The following SPART variants were observed in gnomAD, a reference collection of about 807,000 sequenced individuals.
SPART encodes spastic paraplegia 20 (Troyer syndrome).
SPART carries 35 observed loss-of-function variants against 58.7 expected under a neutral mutation model. The observed-to-expected ratio is 0.60, with a 90% CI of 0.46 to 0.79. The LOEUF is 0.79. Ranked by LOEUF, SPART falls within the 30% of genes least tolerant of loss-of-function variation. The probability of loss-of-function intolerance (pLI) is 0.00; values close to 1 mark genes in which losing one functional copy is unlikely to be tolerated. For missense variants in SPART, 730 were observed against 786.1 expected (o/e 0.93, Z 0.85); for synonymous variants, 284 against 280.7 (o/e 1.01, Z -0.12).
chr13:36,349,138 C>T (rs1885313770), upstream of SPART, among the ~76,000 whole-genome samples: 1 of 152,120 alleles, frequency 6.6e-6, no homozygotes, highest in Admixed American at 6.5e-5. Context: ...TGGCGCATGC[C>T]TGTAATCCTA....
At position 36,314,613 on chromosome 13, in the gene SPART, C is replaced by T. The variant is rs73169232; in HGVS notation, c.1289-192G>A. Reference sequence around the variant, plus strand: ...CTGAATACTTAGTGACACAGTTCTGCGTTACTCTATGCTGCCACTACCTAG... The same window carrying T: ...CTGAATACTTAGTGACACAGTTCTGTGTTACTCTATGCTGCCACTACCTAG... On this transcript the variant is annotated intron_variant, in intron 5 of 8. Transcript: ENST00000438666. Among the ~76,000 whole-genome samples the T allele has an allele frequency of 7.2e-5, 11 of 152,254 alleles. No homozygotes were observed. The East Asian group carries it at 1.4e-3, about 19-fold the overall frequency.
intron 5 of SPART, among the ~76,000 whole-genome samples, chr13:36,319,232 C>T (rs1882088743): frequency 6.6e-6 from 1 of 151,356 alleles, no homozygotes; most frequent in Non-Finnish European, 1.5e-5. Flanking sequence ...AAATTATCTG[C>T]TTCCCTGACT....
At chr13:36,357,866 T>A (rs1252421748) in intron 1 of SPART, among the ~76,000 whole-genome samples, 1 of 152,202 alleles carries the variant, frequency 6.6e-6, no homozygotes, top group Non-Finnish European at 1.5e-5. Context: ...GAATTCATTG[T>A]TGAACATCCT....
intron 5 of SPART, among the ~76,000 whole-genome samples, chr13:36,323,425 T>C (rs1882614479): frequency 6.6e-6 from 1 of 152,206 alleles, no homozygotes; most frequent in East Asian, 1.9e-4. Context: ...TCTAGGTTTC[T>C]CAAGCCTATA....
chr13:36,356,131 A>G (rs1010153690), intron 1 of SPART, among the ~76,000 whole-genome samples: 2 of 152,182 alleles, frequency 1.3e-5, no homozygotes, highest in African/African-American at 4.8e-5. Context: ...TTGATCTACT[A>G]TGGGTGCTTA....
intron 4 of SPART, among the ~76,000 whole-genome samples, chr13:36,327,990 T>C (rs988987576): frequency 6.6e-6 from 1 of 152,092 alleles, no homozygotes; most frequent in African/African-American, 2.4e-5. Context: ...TGAGACTCCA[T>C]CTGCAGGGGT....
In SPART at chr13:36,335,422, G is replaced by A. The variant is rs960181712; in HGVS notation, c.409C>T (p.Gln137Ter). ...GTGTTTCCATTTACTTCAGCATGCT[G>A]AGGAGCTGAACTAAAAGACTGAGGC... ...PEPQSFSSAP[Q>*]HAEVNGNTST... Residue 137 changes from glutamine (Q) to a stop codon, truncating the protein, a stop_gained, in exon 2 of 9, where the codon CAG becomes TAG. Transcript: ENST00000438666. LOFTEE classifies it high-confidence loss of function. 12 of 1,614,030 alleles carry A rather than the reference G, an allele frequency of 7.4e-6. No individual in the cohort carries two copies. The highest frequency in any genetic ancestry group is 1.1e-5 in the South Asian group (1 of 91,092).
intron 5 of SPART, among the ~76,000 whole-genome samples, chr13:36,325,434 G>C (rs1233068614): frequency 6.6e-6 from 1 of 152,040 alleles, no homozygotes; most frequent in Non-Finnish European, 1.5e-5. Flanking sequence ...ATTTTAGCTT[G>C]TTGGTTTTTT....
intron 1 of SPART, among the ~76,000 whole-genome samples, chr13:36,360,360 A>G (rs2137718226): frequency 6.6e-6 from 1 of 152,212 alleles, no homozygotes; most frequent in Non-Finnish European, 1.5e-5. Context: ...TGAATGTTAG[A>G]GCTACCCTAG....
rs114130261 is a variant in SPART, at chr13:36,338,265, A to C, written c.-2-2433T>G. Among the ~76,000 whole-genome samples, 412 of 152,306 alleles carry C rather than the reference A, an allele frequency of 2.7e-3. 3 individuals carry two copies. Among genetic ancestry groups the C allele is most frequent in the African/African-American group, 9.4e-3 (390 of 41,568 alleles). On this transcript the variant is annotated intron_variant, in intron 1 of 8. Transcript: ENST00000438666. Reference sequence around the variant, plus strand: ...ATGTGATTCCTCAATAAAACAGATAAATAATAAAGCCATAACTCACAAGGA... The same window carrying C: ...ATGTGATTCCTCAATAAAACAGATACATAATAAAGCCATAACTCACAAGGA...
At chr13:36,364,378 G>A (rs1885979514) in intron 1 of SPART, among the ~76,000 whole-genome samples, 1 of 152,050 alleles carries the variant, frequency 6.6e-6, no homozygotes, top group African/African-American at 2.4e-5. Flanking sequence ...AACACCTTGT[G>A]GCCCAAGTCA....
At chr13:36,347,551 C>A (rs1008421075), upstream of SPART, among the ~76,000 whole-genome samples, 2 of 152,154 alleles carry the variant, frequency 1.3e-5, no homozygotes, top group African/African-American at 4.8e-5. Context: ...CCGCGCCTGG[C>A]CTTAGGACCA....
intron 8 of SPART, among the ~76,000 whole-genome samples, chr13:36,311,491 G>T (rs1645137648): frequency 1.3e-5 from 2 of 151,994 alleles, no homozygotes; most frequent in South Asian, 4.1e-4. Context: ...TTAACATGGG[G>T]TATAAGAGTT....
intron 4 of SPART, among the ~76,000 whole-genome samples, chr13:36,328,006 G>A (rs1207443010): frequency 6.6e-6 from 1 of 152,090 alleles, no homozygotes; most frequent in African/African-American, 2.4e-5. Context: ...GGGGTGAGGA[G>A]ACAGGGGAAG....
chr13:36,367,417 C>G (rs1022483599), intron 1 of SPART, among the ~76,000 whole-genome samples: 17 of 152,248 alleles, frequency 1.1e-4, no homozygotes, highest in Middle Eastern at 3.4e-3. Flanking sequence ...AACGAATCCC[C>G]TGAGCCCTAT....
intron 3 of SPART, among the ~76,000 whole-genome samples, chr13:36,330,734 G>A (rs1883383255): frequency 1.3e-5 from 2 of 152,158 alleles, no homozygotes; most frequent in African/African-American, 4.8e-5. Flanking sequence ...CTACAGGTAC[G>A]CATGTGGGCA....
intron 1 of SPART, among the ~76,000 whole-genome samples, chr13:36,355,679 TC>T (rs35707734): frequency 6.6e-6 from 1 of 151,952 alleles, no homozygotes; most frequent in Non-Finnish European, 1.5e-5. Context: ...ATTCTAAGGC[TC>T]CCCCCAACCA....
chr13:36,322,655 G>A (rs1882531977), intron 5 of SPART, among the ~76,000 whole-genome samples: 1 of 152,140 alleles, frequency 6.6e-6, no homozygotes, highest in Admixed American at 6.5e-5. Flanking sequence ...CTGGCTAAGA[G>A]AGGGGGAAAA....
chr13:36,326,804 A>G (rs545981201), intron 4 of SPART, 106 bp from the exon 5 acceptor site: 1 of 1,263,928 alleles, frequency 7.9e-7, no homozygotes, highest in East Asian at 2.5e-5. Context: ...GATAAAATTA[A>G]TGAAAAATAT....
Sources: gnomAD v4.1 joint callset for allele counts (sites outside exome capture counted in the v4.1 genomes callset) on GRCh38, gnomAD v4.1.1 for gene constraint, MANE v1.5 for transcripts, NCBI Gene and HGNC (gene_info 2026-07-23, HGNC 2026-07-21) for gene names.